The following PAX3 variants were observed in gnomAD, a reference collection of about 807,000 sequenced individuals.
The protein encoded by PAX3 is paired box 3.
In PAX3, 14 loss-of-function variants were observed where a neutral mutation model predicts 51.6. The observed-to-expected ratio is 0.27, with a 90% CI of 0.18 to 0.42. The LOEUF (loss-of-function observed/expected upper bound fraction) is 0.42, where lower values mean the gene tolerates loss of function less well. Among genes scored for constraint, PAX3 ranks in the 10% least tolerant of loss-of-function variants. PAX3 has a pLI of 1.00. For missense variants in PAX3, 540 were observed against 642.8 expected (o/e 0.84, Z 1.73); for synonymous variants, 280 against 253.4 (o/e 1.11, Z -1.00).
chr2:222,280,374 GGGAAGGAA>G (rs147944858), intron 4 of PAX3, among the ~76,000 whole-genome samples: 1 of 144,420 alleles, frequency 6.9e-6, no homozygotes, highest in East Asian at 2.0e-4. Context: ...AGAAATAAAG[GGGAAGGAA>G]GGAAGGAAGG....
At chr2:222,273,393 C>A (rs1316762814) in intron 4 of PAX3, among the ~76,000 whole-genome samples, 3 of 152,160 alleles carry the variant, frequency 2.0e-5, no homozygotes, top group Admixed American at 1.3e-4. Context: ...GCTCTATTAA[C>A]ACGAGGAAAC....
chr2:222,272,457 G>T (rs186109864), intron 4 of PAX3, among the ~76,000 whole-genome samples: 2 of 152,142 alleles, frequency 1.3e-5, no homozygotes, highest in Admixed American at 6.6e-5. Flanking sequence ...GCATAATTTT[G>T]GGGAAGACTT....
intron 5 of PAX3, among the ~76,000 whole-genome samples, chr2:222,227,711 T>C (rs1692436785): frequency 6.6e-6 from 1 of 150,620 alleles, no homozygotes; most frequent in African/African-American, 2.5e-5. Flanking sequence ...ACAGATGAAT[T>C]AGGCAAATCA....
At chr2:222,240,182 G>A (rs1259176202) in intron 4 of PAX3, among the ~76,000 whole-genome samples, 1 of 152,196 alleles carries the variant, frequency 6.6e-6, no homozygotes, top group Non-Finnish European at 1.5e-5. Flanking sequence ...GGCCACGGGG[G>A]CAGTACAGGA....
At chr2:222,276,553 C>A (rs1364738212) in intron 4 of PAX3, among the ~76,000 whole-genome samples, 2 of 152,192 alleles carry the variant, frequency 1.3e-5, no homozygotes, top group South Asian at 4.1e-4. Context: ...GATGGGGCCA[C>A]AGCTGCCACA....
At chr2:222,236,855 C>T (rs1692816239) in intron 4 of PAX3, among the ~76,000 whole-genome samples, 1 of 152,126 alleles carries the variant, frequency 6.6e-6, no homozygotes, top group Admixed American at 6.6e-5. Flanking sequence ...AGATACTCTT[C>T]CCAAATTTGA....
chr2:222,215,473 G>A (rs2578449), intron 7 of PAX3, among the ~76,000 whole-genome samples: 19,641 of 152,018 alleles, frequency 0.13, 1,403 homozygotes, highest in Middle Eastern at 0.16. Flanking sequence ...AAGAACTGTG[G>A]AGTTTGTAGA....
chr2:222,295,436 A>T (rs909210975), intron 3 of PAX3, 92 bp downstream of exon 3: 7 of 1,457,426 alleles, frequency 4.8e-6, no homozygotes, highest in African/African-American at 2.8e-5. Flanking sequence ...AATAGCTGAG[A>T]TCGATAATTG....
At chr2:222,213,611 C>T (rs1014119619) in intron 7 of PAX3, among the ~76,000 whole-genome samples, 1 of 152,198 alleles carries the variant, frequency 6.6e-6, no homozygotes, top group Non-Finnish European at 1.5e-5. Context: ...AAAAATCTCT[C>T]TCTGCCCCCA....
intron 4 of PAX3, 142 bp downstream of exon 4, chr2:222,294,025 G>A (rs935001510): frequency 6.4e-7 from 1 of 1,552,360 alleles, no homozygotes; most frequent in African/African-American, 1.4e-5. Context: ...TCAGTTCCAT[G>A]TCGTTACTCA....
intron 4 of PAX3, among the ~76,000 whole-genome samples, chr2:222,249,121 A>T (rs1235838601): frequency 6.6e-6 from 1 of 152,184 alleles, no homozygotes; most frequent in East Asian, 1.9e-4. Flanking sequence ...CAGCAGCAGC[A>T]CCCCCACCAG....
intron 4 of PAX3, among the ~76,000 whole-genome samples, chr2:222,287,971 T>A (rs948689768): frequency 5.9e-5 from 9 of 152,302 alleles, no homozygotes; most frequent in African/African-American, 2.2e-4. Flanking sequence ...CAGTTACATA[T>A]CCAAAGCCTA....
In PAX3 at chr2:222,277,567, C is replaced by A. The variant is rs1027600968; in HGVS notation, c.586+16600G>T. On this transcript the variant is annotated intron_variant, in intron 4 of 8. Coordinates refer to ENST00000392070, the MANE Select transcript of PAX3 (RefSeq NM_181458.4). The stretch of plus-strand genomic sequence containing the variant: ...GATCATTTAAATCAAGCTTGTTCAA[C>A]CCGTGGCTCACGGGCCATATGCAGC... Among the ~76,000 whole-genome samples, 8 of 152,174 alleles carry A rather than the reference C, an allele frequency of 5.3e-5. 1 individual carries two copies. Among genetic ancestry groups the A allele is most frequent in the African/African-American group, 1.7e-4 (7 of 41,446 alleles).
At chr2:222,286,007 G>A (rs1023942523) in intron 4 of PAX3, among the ~76,000 whole-genome samples, 6 of 152,250 alleles carry the variant, frequency 3.9e-5, no homozygotes, top group Non-Finnish European at 7.4e-5. Context: ...GCACGATCTC[G>A]GCTCACTGCA....
intron 4 of PAX3, among the ~76,000 whole-genome samples, chr2:222,278,883 A>T (rs1694527548): frequency 6.6e-6 from 1 of 152,236 alleles, no homozygotes. Flanking sequence ...AGAAAAGAGC[A>T]AATACTTTCC....
chr2:222,295,661 T>C lies in PAX3; in HGVS notation c.322-4A>G. 6.2e-7 allele frequency: 1 copy of C among 1,614,154 alleles called. No homozygotes were observed. Among genetic ancestry groups the C allele is most frequent in the Non-Finnish European group, 8.5e-7 (1 of 1,180,028 alleles). On this transcript the variant is annotated splice_region_variant and splice_polypyrimidine_tract_variant and intron_variant, in intron 2 of 8. Transcript: ENST00000392070. The stretch of plus-strand genomic sequence containing the variant: ...CCACGTCAGGCGTTGTCACCTGCTT[T>C]AAGAGAACAGGCGGGCAGGCGTTGG...
At chr2:222,242,254 C>T (rs1272377105) in intron 4 of PAX3, 1 of 152,104 alleles carries the variant, frequency 6.6e-6, no homozygotes, top group African/African-American at 2.4e-5. Flanking sequence ...GCTATGTAAA[C>T]TGGTTAACTA....
intron 4 of PAX3, among the ~76,000 whole-genome samples, chr2:222,291,192 G>T (rs12470153): frequency 6.6e-6 from 1 of 151,972 alleles, no homozygotes; most frequent in Non-Finnish European, 1.5e-5. Flanking sequence ...TGCGCAGGGC[G>T]GTGCCCACAG....
chr2:222,245,420 C>T (rs1693187873), intron 4 of PAX3, among the ~76,000 whole-genome samples: 1 of 152,218 alleles, frequency 6.6e-6, no homozygotes, highest in Non-Finnish European at 1.5e-5. Flanking sequence ...GAGCAATTCA[C>T]CTTCTGATCA....
Sources: gnomAD v4.1 joint callset for allele counts (sites outside exome capture counted in the v4.1 genomes callset) on GRCh38, gnomAD v4.1.1 for gene constraint, MANE v1.5 for transcripts, NCBI Gene and HGNC (gene_info 2026-07-23, HGNC 2026-07-21) for gene names.